WNT2: variants seen among roughly 807,000 people sequenced by gnomAD.
The protein encoded by WNT2 is protein Wnt-2.
WNT2 carries 12 observed loss-of-function variants against 36.9 expected under a neutral mutation model. That is an observed-to-expected ratio of 0.33 (90% confidence interval 0.21 to 0.53). The LOEUF (loss-of-function observed/expected upper bound fraction) is 0.53. Ranked by LOEUF, WNT2 falls within the 20% of genes least tolerant of loss-of-function variation. The pLI, the probability that WNT2 is intolerant of heterozygous loss-of-function variation, is 0.95. For synonymous variants in WNT2, 163 were observed against 174.6 expected, an observed-to-expected ratio of 0.93 and a Z score of 0.52; for missense variants, 379 against 473.1, an observed-to-expected ratio of 0.80 and a Z score of 1.84.
chr7:117,298,245 C>T (rs1794832444), intron 3 of WNT2, among the ~76,000 whole-genome samples: 1 of 152,122 alleles, frequency 6.6e-6, no homozygotes, highest in Non-Finnish European at 1.5e-5. Flanking sequence ...CCAATTAATG[C>T]TGTCCAGTTT....
chr7:117,305,634 A>G (rs976275661), intron 3 of WNT2, among the ~76,000 whole-genome samples: 1 of 152,194 alleles, frequency 6.6e-6, no homozygotes, highest in African/African-American at 2.4e-5. Flanking sequence ...TGTGGACCAA[A>G]AAATATTGCT....
chr7:117,303,309 A>T (rs772828222), intron 3 of WNT2, among the ~76,000 whole-genome samples: 11 of 152,180 alleles, frequency 7.2e-5, no homozygotes, highest in Non-Finnish European at 1.6e-4. Flanking sequence ...AGAACGGGGA[A>T]ATCGTTATTC....
intron 3 of WNT2, among the ~76,000 whole-genome samples, chr7:117,309,115 C>A (rs959120832): frequency 1.3e-5 from 2 of 151,956 alleles, no homozygotes; most frequent in Non-Finnish European, 2.9e-5. Context: ...ATCACTTGAG[C>A]CCTGTGCAGT....
chr7:117,314,515 G>A (rs1795178103), intron 3 of WNT2, among the ~76,000 whole-genome samples: 1 of 152,196 alleles, frequency 6.6e-6, no homozygotes, highest in African/African-American at 2.4e-5. Context: ...TACCCTCTGA[G>A]GATCATGTCT....
rs1795307996 is a variant in WNT2, at chr7:117,320,723, G to A, written c.154C>T (p.Arg52Trp). ...TCTGGATGTCGGTGACACAGCTGCC[G>A]CTGGCTGCTCACCAGGCCTGGCACA... ...DNVPGLVSSQ[R>W]QLCHRHPDVM... is the part of the protein sequence containing the mutation. The change falls in exon 2 of 5, where the codon CGG becomes TGG. Residue 52 changes from arginine to tryptophan, a missense_variant. Physicochemically the swap from Arg to Trp is moderately radical, Grantham distance 101 (BLOSUM62 -3). Coordinates refer to ENST00000265441, the MANE Select transcript of WNT2 (RefSeq NM_003391.3). 3.1e-6 allele frequency: 5 copies of A among 1,613,824 alleles called. No homozygotes were observed. The highest frequency in any genetic ancestry group is 4.2e-6 in the Non-Finnish European group (5 of 1,179,978).
At chr7:117,304,726 G>A (rs1437029226) in intron 3 of WNT2, among the ~76,000 whole-genome samples, 4 of 152,116 alleles carry the variant, frequency 2.6e-5, no homozygotes, top group African/African-American at 4.8e-5. Flanking sequence ...GTGAGCCACC[G>A]CATCTGGTCA....
At chr7:117,293,054 G>A (rs905882842) in intron 4 of WNT2, among the ~76,000 whole-genome samples, 10 of 151,968 alleles carry the variant, frequency 6.6e-5, no homozygotes, top group South Asian at 2.1e-4. Flanking sequence ...CTCAGGAGTC[G>A]GAGCCTGCGG....
intron 2 of WNT2, among the ~76,000 whole-genome samples, chr7:117,316,215 T>C (rs1052332605): frequency 3.3e-5 from 5 of 152,230 alleles, no homozygotes; most frequent in Non-Finnish European, 5.9e-5. Context: ...ACAGGCTACT[T>C]TCACTTACAG....
intron 4 of WNT2, among the ~76,000 whole-genome samples, chr7:117,285,048 A>G (rs1161403982): frequency 6.6e-6 from 1 of 152,248 alleles, no homozygotes; most frequent in East Asian, 1.9e-4. Flanking sequence ...CCAGTGCAGC[A>G]GCGTCTTTCC....
chr7:117,293,576 A>G (rs1372267040), intron 4 of WNT2, among the ~76,000 whole-genome samples: 3 of 152,212 alleles, frequency 2.0e-5, no homozygotes, highest in Non-Finnish European at 4.4e-5. Flanking sequence ...TAAAAGAGAA[A>G]ATGAAAAACA....
At chr7:117,290,506 A>G (rs1794669324) in intron 4 of WNT2, among the ~76,000 whole-genome samples, 1 of 152,170 alleles carries the variant, frequency 6.6e-6, no homozygotes, top group African/African-American at 2.4e-5. Context: ...TCAGTGAAAC[A>G]TTTTTTTCTA....
Position 117,278,068 on chromosome 7 carries a change from C to T in WNT2, c.*87G>A. The T allele has an allele frequency of 6.9e-7, 1 of 1,457,104 alleles. No individual in the cohort carries two copies. The highest frequency in any genetic ancestry group is 9.5e-7 in the Non-Finnish European group (1 of 1,053,950). 90.3% of individuals were successfully genotyped at this position (1,457,104 alleles called of 1,614,324 possible). On this transcript the variant is annotated 3_prime_UTR_variant, in exon 5 of 5. Transcript: ENST00000265441. Reference sequence around the variant, plus strand: ...AGGCCACATGCCTTAGGAAATATCCCCCCAGAAAGAACCCAAAGGTCCAGT... The same window carrying T: ...AGGCCACATGCCTTAGGAAATATCCTCCCAGAAAGAACCCAAAGGTCCAGT...
At chr7:117,302,317 A>C (rs1794922019) in intron 3 of WNT2, among the ~76,000 whole-genome samples, 1 of 152,224 alleles carries the variant, frequency 6.6e-6, no homozygotes, top group Non-Finnish European at 1.5e-5. Flanking sequence ...GAGAAATGCA[A>C]ACTGAAATAA....
intron 3 of WNT2, among the ~76,000 whole-genome samples, chr7:117,299,292 C>T (rs1043658152): frequency 3.3e-5 from 5 of 152,220 alleles, no homozygotes; most frequent in African/African-American, 4.8e-5. Context: ...ATGTGGCTCT[C>T]ACCTGTCCAG....
Position 117,322,818 on chromosome 7 carries a change from G to C in WNT2, c.83+89C>G. 7.3e-7 allele frequency: 1 copy of C among 1,367,286 alleles called. No homozygotes were observed. Among genetic ancestry groups the C allele is most frequent in the Non-Finnish European group, 1.0e-6 (1 of 966,950 alleles). The allele number at this position is 1,367,286 out of a possible 1,614,324, so 84.7% of individuals were successfully genotyped here. On this transcript the variant is annotated intron_variant, in intron 1 of 4. Transcript: ENST00000265441. This position sits in a 1 kb window ranked among gnomAD's most constrained non-coding sequence, Gnocchi z 5.4. ...CAGAATCCGAGACTGCTGCGGCCGC[G>C]GGGGAACGCAGCCAGGAAGGGTCTA...
chr7:117,301,877 G>T (rs1479294217), intron 3 of WNT2, among the ~76,000 whole-genome samples: 2 of 141,990 alleles, frequency 1.4e-5, no homozygotes. Context: ...GTGTGATCTC[G>T]GCTCACTGCC....
chr7:117,299,431 G>T (rs1794858656), intron 3 of WNT2, among the ~76,000 whole-genome samples: 1 of 151,490 alleles, frequency 6.6e-6, no homozygotes, highest in Non-Finnish European at 1.5e-5. Context: ...TTAATCATAA[G>T]TAATATCCCT....
intron 4 of WNT2, 122 bp downstream of exon 4, chr7:117,297,490 T>C: frequency 7.8e-7 from 1 of 1,286,414 alleles, no homozygotes; most frequent in Non-Finnish European, 1.1e-6. Context: ...TCAATAAGAA[T>C]GATAAGGATC....
chr7:117,317,513 A>C (rs1223356767), intron 2 of WNT2, among the ~76,000 whole-genome samples: 1 of 152,106 alleles, frequency 6.6e-6, no homozygotes, highest in Non-Finnish European at 1.5e-5. Context: ...TGTAGATAAT[A>C]GCCCTAAAAT....
Sources: allele counts gnomAD v4.1 joint callset (sites outside exome capture counted in the v4.1 genomes callset), GRCh38; gene constraint gnomAD v4.1.1; non-coding constraint Gnocchi (gnomAD v3.1); transcripts MANE v1.5; gene names NCBI Gene and HGNC (gene_info 2026-07-23, HGNC 2026-07-21).